The following KCNA2 variants were observed in gnomAD, a reference collection of about 807,000 sequenced individuals.
KCNA2 encodes the protein potassium voltage-gated channel subfamily A member 2, also known as potassium channel, voltage gated shaker related subfamily A, member 2.
In KCNA2, 11 loss-of-function variants were observed where a neutral mutation model predicts 33.4. That is an observed-to-expected ratio of 0.33 (90% CI 0.21 to 0.55). KCNA2 has a LOEUF of 0.55. Among genes scored for constraint, KCNA2 ranks in the 20% least tolerant of loss-of-function variants. The probability of loss-of-function intolerance (pLI) is 0.93; values close to 1 mark genes in which losing one functional copy is unlikely to be tolerated. For synonymous variants in KCNA2, 222 were observed against 231.3 expected (o/e 0.96, Z 0.37); for missense variants, 291 against 621.6 (o/e 0.47, Z 5.66).
chr1:110,620,422 C>A (rs974838704), intron 1 of KCNA2, among the ~76,000 whole-genome samples: 1 of 152,156 alleles, frequency 6.6e-6, no homozygotes, highest in African/African-American at 2.4e-5. Flanking sequence ...CCGTAGCCAG[C>A]AAACTCTGTC....
At position 110,595,623 on chromosome 1, in the gene KCNA2, G is replaced by A; in HGVS notation, c.*7660C>T. The stretch of plus-strand genomic sequence containing the variant: ...ATCTAACACACTAGCAGGCAAGAGG[G>A]AGAATGAGAGCAGGTTTTAGCTTGC... On this transcript the variant is annotated 3_prime_UTR_variant, in exon 3 of 3. Transcript: ENST00000316361. 1.0e-6 allele frequency: 1 copy of A among 985,458 alleles called. No individual in the cohort carries two copies. Among genetic ancestry groups the A allele is most frequent in the Non-Finnish European group, 1.2e-6 (1 of 829,952 alleles). 61.0% of individuals were successfully genotyped at this position (985,458 alleles called of 1,614,324 possible). A position where few individuals can be genotyped will look rare whatever the true frequency, so the allele number is the denominator to read the frequency against.
Position 110,596,897 on chromosome 1 carries a change from T to C in KCNA2, c.*6386A>G. ...CCCTGGGGTTGCCAGCCTTCCCTGATTGTCCAGTCTGAACATTTAAGCTCA... is the reference window on the plus strand; with the variant it reads ...CCCTGGGGTTGCCAGCCTTCCCTGACTGTCCAGTCTGAACATTTAAGCTCA... On this transcript the variant is annotated 3_prime_UTR_variant, in exon 3 of 3. Coordinates refer to ENST00000316361, the MANE Select transcript of KCNA2 (RefSeq NM_004974.4). The C allele has an allele frequency of 1.0e-6, 1 of 985,446 alleles. No individual in the cohort carries two copies. The highest frequency in any genetic ancestry group is 1.2e-6 in the Non-Finnish European group (1 of 829,950). 61.0% of individuals were successfully genotyped at this position (985,446 alleles called of 1,614,324 possible). A position where few individuals can be genotyped will look rare whatever the true frequency, so the allele number is the denominator to read the frequency against.
At position 110,595,527 on chromosome 1, in the gene KCNA2, C is replaced by T; in HGVS notation, c.*7756G>A. ...GCTCCAGATACAGTGAAAAATCCCT[C>T]CCACTCCCATCTAGGTAGAAAGCAA... On this transcript the variant is annotated 3_prime_UTR_variant, in exon 3 of 3. Transcript: ENST00000316361. 3 of 985,460 alleles carry T rather than the reference C, an allele frequency of 3.0e-6. No homozygotes were observed. Among genetic ancestry groups the T allele is most frequent in the Non-Finnish European group, 3.6e-6 (3 of 829,974 alleles). The allele number at this position is 985,460 out of a possible 1,614,324, so 61.0% of individuals were successfully genotyped here. A position where few individuals can be genotyped will look rare whatever the true frequency, so the allele number is the denominator to read the frequency against.
At position 110,594,849 on chromosome 1, in the gene KCNA2, C is replaced by A. The variant is rs1649028704; in HGVS notation, c.*8434G>T. 2.0e-6 allele frequency: 2 copies of A among 985,302 alleles called. No individual in the cohort carries two copies. Among genetic ancestry groups the A allele is most frequent in the East Asian group, 1.1e-4 (1 of 8,818 alleles). The allele number at this position is 985,302 out of a possible 1,614,324, so 61.0% of individuals were successfully genotyped here. A position where few individuals can be genotyped will look rare whatever the true frequency, so the allele number is the denominator to read the frequency against. On this transcript the variant is annotated 3_prime_UTR_variant, in exon 3 of 3. Transcript: ENST00000316361. ...TGTGCTCCTTTCCAGCCCCACCTGG[C>A]AGGTCAAAGTCCTTGCCCTACACTT...
rs9783002 is a variant in KCNA2, at chr1:110,599,033, A to T, written c.*4250T>A. On this transcript the variant is annotated 3_prime_UTR_variant, in exon 3 of 3. Transcript: ENST00000316361. ...ACCTGGAAACACAAGTTTCCAGCAA[A>T]GCACACGTTTTGGACCCATATGTCC... 357,548 of 984,806 alleles carry T rather than the reference A, an allele frequency of 0.36. 68,798 individuals carry two copies. Among genetic ancestry groups the T allele is most frequent in the African/African-American group, 0.69 (39,413 of 57,238 alleles). 61.0% of individuals were successfully genotyped at this position (984,806 alleles called of 1,614,324 possible).
chr1:110,627,004 C>T (rs148705607), intron 1 of KCNA2, among the ~76,000 whole-genome samples: 329 of 152,342 alleles, frequency 2.2e-3, no homozygotes, highest in South Asian at 0.011. Context: ...AGGCATTGCA[C>T]TAAGTGCTTT....
Position 110,596,608 on chromosome 1 carries a change from A to G in KCNA2, c.*6675T>C, listed in dbSNP as rs1408958305. On this transcript the variant is annotated 3_prime_UTR_variant, in exon 3 of 3. Transcript: ENST00000316361. ...TGTACAATAAGCATTGAGGTTTACAATGTTGACCCTGAGCAAGGCAAGGTC... is the reference window on the plus strand; with the variant it reads ...TGTACAATAAGCATTGAGGTTTACAGTGTTGACCCTGAGCAAGGCAAGGTC... 1.3e-5 allele frequency: 5 copies of G among 387,900 alleles called. No individual in the cohort carries two copies. Among genetic ancestry groups the G allele is most frequent in the African/African-American group, 4.4e-5 (2 of 45,778 alleles). 24.0% of individuals were successfully genotyped at this position (387,900 alleles called of 1,614,324 possible). A position where few individuals can be genotyped will look rare whatever the true frequency, so the allele number is the denominator to read the frequency against.
In KCNA2 at chr1:110,593,786, A is replaced by G; in HGVS notation, c.*9497T>C. On this transcript the variant is annotated 3_prime_UTR_variant, in exon 3 of 3. Coordinates refer to ENST00000316361, the MANE Select transcript of KCNA2 (RefSeq NM_004974.4). Reference sequence around the variant, plus strand: ...ACACATATATGTATAACCTATGTACAAATATCAGACCCTACTGACACAGGA... The same window carrying G: ...ACACATATATGTATAACCTATGTACGAATATCAGACCCTACTGACACAGGA... The G allele has an allele frequency of 7.1e-7, 1 of 1,401,770 alleles. No individual in the cohort carries two copies. Among genetic ancestry groups the G allele is most frequent in the African/African-American group, 1.4e-5 (1 of 69,818 alleles). The allele number at this position is 1,401,770 out of a possible 1,614,324, so 86.8% of individuals were successfully genotyped here.
In KCNA2 at chr1:110,619,559, GGCGGCAAT is replaced by G. The variant is rs1244348330; in HGVS notation, c.-496+11828_-496+11835del. Among the ~76,000 whole-genome samples, 5 of 152,256 alleles carry G rather than the reference GGCGGCAAT, an allele frequency of 3.3e-5. No individual in the cohort carries two copies. In the South Asian group the frequency reaches 6.2e-4, roughly 19 times the overall value. ...AGCGGTATCTGCACACTGTGGCTCG[GGCGGCAAT>G]GCGGCAATCTGGGAGGGCTGCGGCC... On this transcript the variant is annotated intron_variant, in intron 1 of 4. Transcript: ENST00000369770.
intron 1 of KCNA2, among the ~76,000 whole-genome samples, chr1:110,624,777 T>A (rs1650350313): frequency 6.6e-6 from 1 of 152,226 alleles, no homozygotes; most frequent in South Asian, 2.1e-4. Context: ...GCACTACATT[T>A]ATCATGAAAA....
Position 110,604,884 on chromosome 1 carries a change from C to T in KCNA2, c.-102G>A. ...GCCCCAGGAAGCACAGGAGCATTGG[C>T]CTGGTCTCCTGCAGGAGAGCCCCGA... On this transcript the variant is annotated 5_prime_UTR_variant, in exon 3 of 3. Transcript: ENST00000316361. This position sits in a 1 kb window ranked among gnomAD's most constrained non-coding sequence, Gnocchi z 7.6. 1 of 1,117,410 alleles carries T rather than the reference C, an allele frequency of 8.9e-7. No individual in the cohort carries two copies. Among genetic ancestry groups the T allele is most frequent in the South Asian group, 1.5e-5 (1 of 66,392 alleles). 69.2% of individuals were successfully genotyped at this position (1,117,410 alleles called of 1,614,324 possible).
intron 1 of KCNA2, among the ~76,000 whole-genome samples, chr1:110,629,853 C>T (rs1331480981): frequency 6.6e-6 from 1 of 152,144 alleles, no homozygotes; most frequent in Non-Finnish European, 1.5e-5. Flanking sequence ...CCGAATTAAA[C>T]ACAGGGAAGT....
chr1:110,626,625 A>AT (rs146712413), intron 1 of KCNA2, among the ~76,000 whole-genome samples: 2,963 of 152,308 alleles, frequency 0.019, 110 homozygotes, highest in African/African-American at 0.067. Flanking sequence ...AAATTTCACC[A>AT]TTAATGCATG....
At position 110,601,091 on chromosome 1, in the gene KCNA2, G is replaced by A. The variant is rs931447129; in HGVS notation, c.*2192C>T. On this transcript the variant is annotated 3_prime_UTR_variant, in exon 3 of 3. Coordinates refer to ENST00000316361, the MANE Select transcript of KCNA2 (RefSeq NM_004974.4). Reference sequence around the variant, plus strand: ...CTACTGTCTACCTTTAGGCTGTGCAGTGCTCATTTGCACTCTACTTCTTCT... The same window carrying A: ...CTACTGTCTACCTTTAGGCTGTGCAATGCTCATTTGCACTCTACTTCTTCT... The A allele has an allele frequency of 2.0e-6, 2 of 985,338 alleles. No individual in the cohort carries two copies. Among genetic ancestry groups the A allele is most frequent in the Non-Finnish European group, 2.4e-6 (2 of 829,952 alleles). The allele number at this position is 985,338 out of a possible 1,614,324, so 61.0% of individuals were successfully genotyped here.
In KCNA2 at chr1:110,594,061, C is replaced by G. The variant is rs140147709; in HGVS notation, c.*9222G>C. On this transcript the variant is annotated 3_prime_UTR_variant, in exon 3 of 3. Coordinates refer to ENST00000316361, the MANE Select transcript of KCNA2 (RefSeq NM_004974.4). ...CACCATGGAGACCCCAGTTCCCTTTCGGCATCATCCTTACGAAGCTTTACC... is the reference window on the plus strand; with the variant it reads ...CACCATGGAGACCCCAGTTCCCTTTGGGCATCATCCTTACGAAGCTTTACC... 1 of 1,467,156 alleles carries G rather than the reference C, an allele frequency of 6.8e-7. No individual in the cohort carries two copies. Among genetic ancestry groups the G allele is most frequent in the Non-Finnish European group, 9.0e-7 (1 of 1,112,200 alleles). 90.9% of individuals were successfully genotyped at this position (1,467,156 alleles called of 1,614,324 possible).
intron 1 of KCNA2, among the ~76,000 whole-genome samples, chr1:110,615,208 G>C (rs1210367043): frequency 2.0e-5 from 3 of 152,174 alleles, no homozygotes; most frequent in Non-Finnish European, 2.9e-5. Flanking sequence ...GATCACAGCA[G>C]GGCCCGCCTG....
chr1:110,622,265 C>A (rs1430151847), intron 1 of KCNA2, among the ~76,000 whole-genome samples: 2 of 151,916 alleles, frequency 1.3e-5, no homozygotes, highest in African/African-American at 4.8e-5. Context: ...TCTTAATAGA[C>A]AGAGAAAAAT....
In KCNA2 at chr1:110,602,516, T is replaced by C; in HGVS notation, c.*767A>G. On this transcript the variant is annotated 3_prime_UTR_variant, in exon 3 of 3. Coordinates refer to ENST00000316361, the MANE Select transcript of KCNA2 (RefSeq NM_004974.4). ...TCCAGTAAGAAACCAGACATGTTTT[T>C]GTGACCCTGGAGCCTGCAAAAATGG... The C allele has an allele frequency of 2.7e-6, 3 of 1,120,656 alleles. No individual in the cohort carries two copies. In the South Asian group the frequency reaches 8.5e-5, roughly 32 times the overall value. 69.4% of individuals were successfully genotyped at this position (1,120,656 alleles called of 1,614,324 possible).
At chr1:110,613,072 A>C (rs79497980) in intron 1 of KCNA2, among the ~76,000 whole-genome samples, 6,286 of 152,348 alleles carry the variant, frequency 0.041, 180 homozygotes, top group South Asian at 0.065. Context: ...AGTGACTTCC[A>C]GGAAGGTGTC....
Sources: gnomAD v4.1 joint callset for allele counts (sites outside exome capture counted in the v4.1 genomes callset) on GRCh38, gnomAD v4.1.1 for gene constraint, Gnocchi (gnomAD v3.1) non-coding constraint, MANE v1.5 for transcripts, NCBI Gene and HGNC (gene_info 2026-07-23, HGNC 2026-07-21) for gene names.